Variants in TMEM245 observed in about 807,000 individuals in gnomAD.
TMEM245 encodes transmembrane protein 245.
TMEM245 carries 69 observed loss-of-function variants against 101.2 expected under a neutral mutation model. The ratio of observed to expected loss-of-function variants is 0.68; its 90% CI spans 0.56 to 0.83. TMEM245 has a LOEUF of 0.83. Among genes scored for constraint, TMEM245 ranks in the 40% least tolerant of loss-of-function variants. The pLI, the probability that TMEM245 is intolerant of heterozygous loss-of-function variation, is 0.00. For synonymous variants in TMEM245, 537 were observed against 449.8 expected (o/e 1.19, Z -2.45); for missense variants, 1,075 against 1,092.8 (o/e 0.98, Z 0.23).
At chr9:109,033,661 T>C (rs1206619251) in intron 16 of TMEM245, among the ~76,000 whole-genome samples, 160 bp from the exon 17 acceptor site, 2 of 110,720 alleles carry the variant, frequency 1.8e-5, no homozygotes, top group African/African-American at 3.7e-5. Context: ...ACTGCAATAA[T>C]ATTGAGATGC....
intron 14 of TMEM245, among the ~76,000 whole-genome samples, chr9:109,042,865 A>C (rs1377194708): frequency 1.5e-5 from 1 of 67,014 alleles, no homozygotes; most frequent in Admixed American, 1.8e-4. Context: ...TTTTTTTTTG[A>C]GACTGGGTGT....
intron 12 of TMEM245, among the ~76,000 whole-genome samples, chr9:109,050,905 T>C (rs1828658933): frequency 6.6e-6 from 1 of 150,474 alleles, no homozygotes; most frequent in African/African-American, 2.4e-5. Flanking sequence ...CCACACCAAA[T>C]AATATAGACA....
At chr9:109,080,000 G>A (rs532647420) in intron 8 of TMEM245, among the ~76,000 whole-genome samples, 2 of 152,216 alleles carry the variant, frequency 1.3e-5, no homozygotes, top group East Asian at 3.9e-4. Context: ...AGGGTGTACT[G>A]AAGCTGAGAC....
intron 17 of TMEM245, among the ~76,000 whole-genome samples, chr9:109,024,749 A>G (rs895650637): frequency 6.6e-6 from 1 of 152,200 alleles, no homozygotes; most frequent in African/African-American, 2.4e-5. Context: ...AACAAGTTCA[A>G]TACAGCTGAA....
intron 3 of TMEM245, among the ~76,000 whole-genome samples, chr9:109,094,823 T>C (rs1830096341): frequency 6.6e-6 from 1 of 152,220 alleles, no homozygotes; most frequent in Non-Finnish European, 1.5e-5. Flanking sequence ...GAGACATTAC[T>C]TTTGGTAGGC....
In TMEM245 at chr9:109,087,240, C is replaced by T. The variant is rs868426223; in HGVS notation, c.1253G>A (p.Arg418Gln). 4.3e-6 allele frequency: 7 copies of T among 1,613,858 alleles called. No individual in the cohort carries two copies. The highest frequency in any genetic ancestry group is 1.7e-5 in the Admixed American group (1 of 59,980). Reference sequence around the variant, plus strand: ...GGGCCAAGGCGCGAGAGCTCCCTGCCGCTCCTTCAGGAAGCTTTCTATAAT... The same window carrying T: ...GGGCCAAGGCGCGAGAGCTCCCTGCTGCTCCTTCAGGAAGCTTTCTATAAT... ...WGIIESFLKE[R>Q]QGALAPWPIV... is the part of the protein sequence containing the mutation. The change falls in exon 6 of 18, where the codon CGG becomes CAG. Residue 418 changes from arginine (R) to glutamine (Q), a missense_variant. Transcript: ENST00000374586.
chr9:109,100,663 A>C (rs757047580), intron 3 of TMEM245, among the ~76,000 whole-genome samples: 32 of 152,174 alleles, frequency 2.1e-4, no homozygotes, highest in Non-Finnish European at 4.3e-4. Context: ...CAAGGACCTA[A>C]GTTTAAATCT....
At chr9:109,071,725 A>C (rs1253990111) in intron 9 of TMEM245, among the ~76,000 whole-genome samples, 1 of 152,234 alleles carries the variant, frequency 6.6e-6, no homozygotes, top group Non-Finnish European at 1.5e-5. Flanking sequence ...TTATAAGCCT[A>C]AAACTGGCAG....
At chr9:109,033,545 A>C (rs1828029759) in intron 16 of TMEM245, 44 bp from the exon 17 acceptor site, 1 of 1,512,014 alleles carries the variant, frequency 6.6e-7, no homozygotes, top group South Asian at 1.3e-5. Flanking sequence ...AACTGGAAAA[A>C]ATCTGAAATA....
chr9:109,047,568 G>T (rs532692210), intron 14 of TMEM245, among the ~76,000 whole-genome samples: 7 of 152,278 alleles, frequency 4.6e-5, no homozygotes, highest in African/African-American at 1.7e-4. Flanking sequence ...AAACACAACA[G>T]CTAGGAATTA....
chr9:109,082,940 A>G (rs1659841661), intron 7 of TMEM245, among the ~76,000 whole-genome samples: 3 of 152,180 alleles, frequency 2.0e-5, no homozygotes, highest in Non-Finnish European at 4.4e-5. Context: ...AAACAAAATT[A>G]TTTAAGATGC....
intron 14 of TMEM245, chr9:109,039,045 G>C (rs3750454): frequency 0.23 from 34,447 of 152,140 alleles, 4,733 homozygotes; most frequent in Admixed American, 0.3. Flanking sequence ...AGTTGAAAAA[G>C]AAGACGTTAG....
chr9:109,040,234 G>C (rs1437054867), intron 14 of TMEM245, among the ~76,000 whole-genome samples: 1 of 152,108 alleles, frequency 6.6e-6, no homozygotes, highest in Non-Finnish European at 1.5e-5. Context: ...TGGCACACAA[G>C]TTTTATAAAT....
At chr9:109,058,503 G>A (rs945856562) in intron 11 of TMEM245, among the ~76,000 whole-genome samples, 1 of 152,074 alleles carries the variant, frequency 6.6e-6, no homozygotes, top group African/African-American at 2.4e-5. Flanking sequence ...AGGCTGAGGC[G>A]AGAGGATCAC....
rs762531130 is a variant in TMEM245 at position 109,086,000 on chromosome 9, CT to C, written c.1340del (p.Lys447ArgfsTer3). 2.5e-6 allele frequency: 4 copies of C among 1,613,868 alleles called. No individual in the cohort carries two copies. On this transcript the variant is annotated frameshift_variant, in exon 7 of 18. Transcript: ENST00000374586. LOFTEE classifies it high-confidence loss of function. Reference protein sequence around the residue: ...VDSKLWHWLNKKMIIWLEKML... With the variant: ...VDSKLWHWLNXKMIIWLEKML... ...CAACATCTGGGTGTTCATTTACCTT[CT>C]TATTTAGCCAGTGCCAGAGCTTGAG...
At position 109,050,704 on chromosome 9, in the gene TMEM245, G is replaced by A; in HGVS notation, c.1855-12C>T. 1.2e-6 allele frequency: 2 copies of A among 1,611,736 alleles called. No homozygotes were observed. Among genetic ancestry groups the A allele is most frequent in the South Asian group, 2.2e-5 (2 of 90,848 alleles). ...AGAGACTCCAAGATCTGACGAGGAA[G>A]GAAAGCTGGATATCAGAACCAATCC... On this transcript the variant is annotated splice_polypyrimidine_tract_variant and intron_variant, in intron 12 of 17. Transcript: ENST00000374586.
At position 109,021,852 on chromosome 9, in the gene TMEM245, G is replaced by A. The variant is rs569811415; in HGVS notation, c.2595-1347C>T. Reference sequence around the variant, plus strand: ...GCAAGGAAGGGAGGGAGGAAGGGAAGGAGGAATAAATTGAAGTACAATATA... The same window carrying A: ...GCAAGGAAGGGAGGGAGGAAGGGAAAGAGGAATAAATTGAAGTACAATATA... On this transcript the variant is annotated intron_variant, in intron 17 of 17. Transcript: ENST00000374586. Among the ~76,000 whole-genome samples the A allele has an allele frequency of 2.0e-5, 3 of 151,194 alleles. No individual in the cohort carries two copies. The South Asian group carries it at 6.2e-4, about 31-fold the overall frequency.
chr9:109,056,137 T>G (rs552853430), intron 12 of TMEM245, among the ~76,000 whole-genome samples: 2 of 152,262 alleles, frequency 1.3e-5, no homozygotes, highest in Non-Finnish European at 2.9e-5. Flanking sequence ...ATAAACATTA[T>G]TTTAGAAATT....
At chr9:109,107,642 A>C (rs929453999) in intron 2 of TMEM245, among the ~76,000 whole-genome samples, 25 of 152,182 alleles carry the variant, frequency 1.6e-4, no homozygotes, top group African/African-American at 6.0e-4. Context: ...AGACAGAGAC[A>C]TAGCTGTTTT....
Sources: allele counts gnomAD v4.1 joint callset (sites outside exome capture counted in the v4.1 genomes callset), GRCh38; gene constraint gnomAD v4.1.1; transcripts MANE v1.5; gene names NCBI Gene and HGNC (gene_info 2026-07-23, HGNC 2026-07-21).